Variants in CNTLN observed in about 807,000 individuals in gnomAD.
CNTLN encodes centlein.
Under a neutral mutation model 180.0 loss-of-function variants are expected in CNTLN, and 212 were observed. The ratio of observed to expected loss-of-function variants is 1.18; its 90% CI spans 1.05 to 1.32. The LOEUF (loss-of-function observed/expected upper bound fraction) is 1.32, where lower values mean the gene tolerates loss of function less well. CNTLN is among the 40% of genes most tolerant of loss of function. The pLI is 0.00. For missense variants in CNTLN, 2,095 were observed against 1,610.9 expected (o/e 1.30, Z -5.14); for synonymous variants, 722 against 563.1 (o/e 1.28, Z -3.99).
chr9:17,238,107 C>T (rs1199032090), intron 5 of CNTLN, among the ~76,000 whole-genome samples: 1 of 151,864 alleles, frequency 6.6e-6, no homozygotes, highest in Non-Finnish European at 1.5e-5. Flanking sequence ...ATTTTTTTCT[C>T]ATGGGGTTAT....
At chr9:17,359,233 G>A (rs990712591) in intron 12 of CNTLN, among the ~76,000 whole-genome samples, 5 of 151,908 alleles carry the variant, frequency 3.3e-5, no homozygotes, top group Admixed American at 6.6e-5. Flanking sequence ...TGCCCAGGCT[G>A]GTCTCAAACT....
chr9:17,180,984 G>A (rs1821090375), intron 2 of CNTLN, among the ~76,000 whole-genome samples: 1 of 151,922 alleles, frequency 6.6e-6, no homozygotes, highest in African/African-American at 2.4e-5. Context: ...TTTTTTCTTA[G>A]TTTTTAGATT....
At chr9:17,259,870 T>G (rs1464024518) in intron 5 of CNTLN, among the ~76,000 whole-genome samples, 1 of 137,122 alleles carries the variant, frequency 7.3e-6, no homozygotes, top group Non-Finnish European at 1.5e-5. Flanking sequence ...CTCTCTTTTT[T>G]TCTTTATTAT....
chr9:17,217,259 T>C (rs1013001367), intron 2 of CNTLN, among the ~76,000 whole-genome samples: 3 of 152,234 alleles, frequency 2.0e-5, no homozygotes, highest in Non-Finnish European at 4.4e-5. Context: ...GTTTTTAAGG[T>C]AAAATAATTG....
intron 2 of CNTLN, among the ~76,000 whole-genome samples, chr9:17,153,022 C>T (rs1819001393): frequency 6.6e-6 from 1 of 152,090 alleles, no homozygotes; most frequent in East Asian, 1.9e-4. Context: ...AAATATTCTT[C>T]CATCCCTGTA....
chr9:17,508,050 G>A (rs1005464341), downstream of CNTLN, among the ~76,000 whole-genome samples: 10 of 152,158 alleles, frequency 6.6e-5, no homozygotes, highest in African/African-American at 2.2e-4. Flanking sequence ...CACCCAGAGA[G>A]AAGTATTAGA....
At position 17,215,719 on chromosome 9, in the gene CNTLN, C is replaced by T. The variant is rs563557118; in HGVS notation, c.450-10484C>T. The stretch of plus-strand genomic sequence containing the variant: ...CTCCACGCAGTTCGAGCTTCTTGGC[C>T]GCTTTGTTTACCTACTCAAGCCTCA... On this transcript the variant is annotated intron_variant, in intron 2 of 25. Transcript: ENST00000380647. Among the ~76,000 whole-genome samples the T allele has an allele frequency of 1.3e-3, 193 of 152,204 alleles. 1 individual carries two copies. The highest frequency in any genetic ancestry group is 3.7e-3 in the African/African-American group (155 of 41,546).
intron 15 of CNTLN, among the ~76,000 whole-genome samples, chr9:17,404,054 G>A (rs565190923): frequency 9.9e-5 from 15 of 151,792 alleles, no homozygotes; most frequent in Admixed American, 2.0e-4. Flanking sequence ...GGAATTACAG[G>A]TATGAGCCAC....
chr9:17,422,972 A>G (rs1269539455), intron 18 of CNTLN, among the ~76,000 whole-genome samples: 1 of 152,128 alleles, frequency 6.6e-6, no homozygotes, highest in Non-Finnish European at 1.5e-5. Context: ...ATTCTTGCAG[A>G]CTTGTACCAC....
At chr9:17,359,100 C>A (rs946785959) in intron 12 of CNTLN, among the ~76,000 whole-genome samples, 4 of 151,708 alleles carry the variant, frequency 2.6e-5, no homozygotes, top group Non-Finnish European at 5.9e-5. Context: ...CTTGCTGCAG[C>A]CTCAACTTCC....
At chr9:17,393,016 C>G (rs565589573) in intron 14 of CNTLN, among the ~76,000 whole-genome samples, 64 of 152,236 alleles carry the variant, frequency 4.2e-4, no homozygotes, top group Non-Finnish European at 8.7e-4. Context: ...AATGCTAAAA[C>G]TGAGAGGATT....
intron 5 of CNTLN, among the ~76,000 whole-genome samples, chr9:17,269,666 A>T (rs1196003349): frequency 1.3e-5 from 2 of 152,110 alleles, no homozygotes; most frequent in Non-Finnish European, 2.9e-5. Context: ...AAAATTGTTG[A>T]GCCTTGTTTT....
chr9:17,267,025 G>T (rs201654647), intron 5 of CNTLN, among the ~76,000 whole-genome samples: 1 of 152,054 alleles, frequency 6.6e-6, no homozygotes, highest in Non-Finnish European at 1.5e-5. Context: ...ATTGGAGCAT[G>T]TTGCCCATTT....
At chr9:17,294,405 C>T (rs961347691) in intron 6 of CNTLN, among the ~76,000 whole-genome samples, 2 of 137,566 alleles carry the variant, frequency 1.5e-5, no homozygotes, top group African/African-American at 5.9e-5. Flanking sequence ...AATCCCTGAG[C>T]TAGACACAAA....
chr9:17,187,467 A>T (rs748289404), intron 2 of CNTLN, among the ~76,000 whole-genome samples: 1 of 152,008 alleles, frequency 6.6e-6, no homozygotes, highest in South Asian at 2.1e-4. Context: ...CATTATAGAA[A>T]ATTTGAGAAA....
At chr9:17,295,765 A>C (rs1473488184) in intron 6 of CNTLN, among the ~76,000 whole-genome samples, 2 of 152,090 alleles carry the variant, frequency 1.3e-5, no homozygotes, top group Non-Finnish European at 2.9e-5. Context: ...ATTGGTGTAC[A>C]TATCATCACT....
rs116132734 is a variant in CNTLN at position 17,217,874 on chromosome 9, T to A, written c.450-8329T>A. The stretch of plus-strand genomic sequence containing the variant: ...ACAGAAAAAGGTTTTGTTTTGAGTT[T>A]CAGCTTTGTATATTTAGAAATGGTG... On this transcript the variant is annotated intron_variant, in intron 2 of 25. Coordinates refer to ENST00000380647, the MANE Select transcript of CNTLN (RefSeq NM_017738.4). Among the ~76,000 whole-genome samples, 787 of 152,318 alleles carry A rather than the reference T, an allele frequency of 5.2e-3. 5 individuals carry two copies. Among genetic ancestry groups the A allele is most frequent in the African/African-American group, 0.018 (755 of 41,566 alleles).
chr9:17,520,488 T>C, the CNTLN span, among the ~76,000 whole-genome samples: 2 of 152,214 alleles, frequency 1.3e-5, no homozygotes, highest in South Asian at 2.1e-4. Context: ...TCAAATCCCA[T>C]GCAAGTTCCT....
chr9:17,449,922 T>G (rs532979084), intron 18 of CNTLN, among the ~76,000 whole-genome samples: 7 of 152,348 alleles, frequency 4.6e-5, no homozygotes, highest in Middle Eastern at 6.8e-3. Context: ...ATTAGTAAAC[T>G]GTTTTGAATA....
Sources: gnomAD v4.1 joint callset for allele counts (sites outside exome capture counted in the v4.1 genomes callset) on GRCh38, gnomAD v4.1.1 for gene constraint, MANE v1.5 for transcripts, NCBI Gene and HGNC (gene_info 2026-07-23, HGNC 2026-07-21) for gene names.